RBFOX3: variants seen among roughly 807,000 people sequenced by gnomAD.
RBFOX3 encodes RNA binding fox-1 homolog 3, also known as RNA binding protein fox-1 homolog 3.
In RBFOX3, 17 loss-of-function variants were observed where a neutral mutation model predicts 48.7. The observed-to-expected ratio is 0.35, with a 90% CI of 0.24 to 0.52. RBFOX3 has a LOEUF of 0.52. Among genes scored for constraint, RBFOX3 ranks in the 20% least tolerant of loss-of-function variants. The probability of loss-of-function intolerance (pLI) is 0.94; values close to 1 mark genes in which losing one functional copy is unlikely to be tolerated. For missense variants in RBFOX3, 382 were observed against 497.5 expected (o/e 0.77, Z 2.21); for synonymous variants, 212 against 209.5 (o/e 1.01, Z -0.10).
chr17:79,566,343 G>T (rs978942724), intron 1 of RBFOX3, among the ~76,000 whole-genome samples: 3 of 152,260 alleles, frequency 2.0e-5, no homozygotes, highest in East Asian at 1.9e-4. Flanking sequence ...TGTAAGAAGC[G>T]GCCAGCGCTA....
At chr17:79,149,746 C>T (rs1051690095) in intron 4 of RBFOX3, among the ~76,000 whole-genome samples, 4 of 151,296 alleles carry the variant, frequency 2.6e-5, no homozygotes, top group South Asian at 2.1e-4. Flanking sequence ...GGTCAGTAAA[C>T]GGACCTGCAG....
At chr17:79,617,690 C>T in the RBFOX3 span, among the ~76,000 whole-genome samples, 1 of 152,238 alleles carries the variant, frequency 6.6e-6, no homozygotes, top group African/African-American at 2.4e-5. Context: ...CTATTTTTCT[C>T]CCCAATGAGC....
intron 4 of RBFOX3, among the ~76,000 whole-genome samples, chr17:79,135,693 C>T (rs1355208216): frequency 6.6e-6 from 1 of 152,180 alleles, no homozygotes; most frequent in Non-Finnish European, 1.5e-5. Context: ...AACCTTTCCC[C>T]AAAGGACCAG....
At chr17:79,640,054 G>T in the RBFOX3 span, among the ~76,000 whole-genome samples, 5 of 152,106 alleles carry the variant, frequency 3.3e-5, no homozygotes, top group Admixed American at 3.3e-4. Flanking sequence ...ATGGCAAGAT[G>T]ATATACGTAG....
At chr17:79,184,881 G>A (rs368126503) in intron 4 of RBFOX3, among the ~76,000 whole-genome samples, 1 of 152,190 alleles carries the variant, frequency 6.6e-6, no homozygotes, top group African/African-American at 2.4e-5. Context: ...TCCCCTTGGG[G>A]CCTTGGTTTC....
At chr17:79,275,418 A>C (rs1451854494) in intron 3 of RBFOX3, among the ~76,000 whole-genome samples, 4 of 151,952 alleles carry the variant, frequency 2.6e-5, no homozygotes, top group Non-Finnish European at 5.9e-5. Context: ...CTGAGCACTC[A>C]CGTGATCATG....
intron 3 of RBFOX3, among the ~76,000 whole-genome samples, chr17:79,297,954 C>T (rs181544250): frequency 6.0e-4 from 91 of 152,292 alleles, no homozygotes; most frequent in African/African-American, 1.9e-3. Context: ...GAAGATGTAA[C>T]GGGTGGTAGT....
At position 79,151,511 on chromosome 17, in the gene RBFOX3, G is replaced by C. The variant is rs184758130; in HGVS notation, c.-33-35763C>G. Among the ~76,000 whole-genome samples the C allele has an allele frequency of 5.1e-3, 6 of 1,184 alleles. 2 individuals are homozygous for C. Among genetic ancestry groups the C allele is most frequent in the South Asian group, 0.059 (2 of 34 alleles). 0.8% of individuals were successfully genotyped at this position (1,184 alleles called of 152,430 possible). A position where few individuals can be genotyped will look rare whatever the true frequency, so the allele number is the denominator to read the frequency against. On this transcript the variant is annotated intron_variant, in intron 4 of 14. Coordinates refer to ENST00000693108, the MANE Select transcript of RBFOX3 (RefSeq NM_001350451.2). Reference sequence around the variant, plus strand: ...TGGGAGGGGACCTGCAGGGGGAGGAGGGGAGGCGATGGGAGGGGACCTGCA... The same window carrying C: ...TGGGAGGGGACCTGCAGGGGGAGGACGGGAGGCGATGGGAGGGGACCTGCA...
chr17:79,491,851 G>T (rs1343528104), intron 1 of RBFOX3, among the ~76,000 whole-genome samples: 2 of 152,156 alleles, frequency 1.3e-5, no homozygotes, highest in African/African-American at 4.8e-5. Flanking sequence ...AGGCCAAGGT[G>T]GGCAGATCAC....
the RBFOX3 span, among the ~76,000 whole-genome samples, chr17:79,616,522 CA>C: frequency 6.8e-6 from 1 of 146,396 alleles, no homozygotes; most frequent in Non-Finnish European, 1.5e-5. Flanking sequence ...GGCGACAGAG[CA>C]AGACTCCATC....
intron 2 of RBFOX3, among the ~76,000 whole-genome samples, chr17:79,337,701 G>A (rs931900472): frequency 2.2e-4 from 33 of 152,092 alleles, no homozygotes; most frequent in African/African-American, 7.2e-4. Context: ...AGCTGAACCC[G>A]TGAGGCAGAG....
At chr17:79,465,437 G>C (rs2076183769) in intron 2 of RBFOX3, among the ~76,000 whole-genome samples, 1 of 152,130 alleles carries the variant, frequency 6.6e-6, no homozygotes, top group Non-Finnish European at 1.5e-5. Context: ...TGCTTCCCCT[G>C]GCCCTGCCCA....
At chr17:79,168,149 G>C (rs1382389624) in intron 4 of RBFOX3, among the ~76,000 whole-genome samples, 1 of 152,204 alleles carries the variant, frequency 6.6e-6, no homozygotes, top group African/African-American at 2.4e-5. Flanking sequence ...TCGTTCGGGA[G>C]GTCCATCCCT....
rs2077013473 is a variant in RBFOX3 at position 79,471,178 on chromosome 17, C to T, written c.-175+11276G>A. 6.6e-6 allele frequency among the ~76,000 whole-genome samples: 1 copy of T among 152,212 alleles called. No individual in the cohort carries two copies. Among genetic ancestry groups the T allele is most frequent in the African/African-American group, 2.4e-5 (1 of 41,450 alleles). On this transcript the variant is annotated intron_variant, in intron 2 of 14. Transcript: ENST00000693108. This position sits in a 1 kb window ranked among gnomAD's most constrained non-coding sequence, Gnocchi z 4.0. ...GGTGAGTCCTGGGTCCCCAGCACCC[C>T]TCCTGCTGGAAGAGGCCAGGACACA...
chr17:79,232,443 T>G (rs978043295), intron 4 of RBFOX3, among the ~76,000 whole-genome samples: 5 of 152,142 alleles, frequency 3.3e-5, no homozygotes, highest in African/African-American at 1.2e-4. Flanking sequence ...GGCCAACAGA[T>G]CCAAGAAACA....
rs1324351363 is a variant in RBFOX3 at position 79,477,244 on chromosome 17, A to T, written c.-175+5210T>A. Among the ~76,000 whole-genome samples the T allele has an allele frequency of 1.6e-5, 2 of 127,948 alleles. No individual in the cohort carries two copies. Among genetic ancestry groups the T allele is most frequent in the African/African-American group, 2.9e-5 (1 of 34,560 alleles). The allele number at this position is 127,948 out of a possible 152,430, so 83.9% of individuals were successfully genotyped here. On this transcript the variant is annotated intron_variant, in intron 2 of 14. Transcript: ENST00000693108. This position sits in a 1 kb window ranked among gnomAD's most constrained non-coding sequence, Gnocchi z 4.8. ...CAAGGCTCCGTTTCAAAAAAAAATA[A>T]ATAAAGATAAATTAAAAAAAAAAAA... is the stretch of plus-strand genomic sequence containing the variant.
At chr17:79,275,607 G>T (rs2068649365) in intron 3 of RBFOX3, among the ~76,000 whole-genome samples, 1 of 152,078 alleles carries the variant, frequency 6.6e-6, no homozygotes, top group Non-Finnish European at 1.5e-5. Flanking sequence ...AAGCACAGGG[G>T]GTATCAGGCA....
At chr17:79,518,450 C>T (rs1397481082) in intron 1 of RBFOX3, among the ~76,000 whole-genome samples, 1 of 152,234 alleles carries the variant, frequency 6.6e-6, no homozygotes, top group East Asian at 1.9e-4. Flanking sequence ...TCCTCCGGGT[C>T]GGATGGTGCT....
intron 1 of RBFOX3, among the ~76,000 whole-genome samples, chr17:79,571,524 G>GC (rs1163402553): frequency 5.1e-4 from 48 of 93,204 alleles, no homozygotes; most frequent in South Asian, 1.8e-3. Flanking sequence ...CCCACCCCCC[G>GC]CCCCCCCAAC....
Sources: gnomAD v4.1 joint callset for allele counts (sites outside exome capture counted in the v4.1 genomes callset) on GRCh38, gnomAD v4.1.1 for gene constraint, Gnocchi (gnomAD v3.1) non-coding constraint, MANE v1.5 for transcripts, NCBI Gene and HGNC (gene_info 2026-07-23, HGNC 2026-07-21) for gene names.